The following YARS1 variants were observed in gnomAD, a reference collection of about 807,000 sequenced individuals.
YARS1 encodes tyrosyl-tRNA synthetase 1.
A neutral mutation model predicts 62.2 loss-of-function variants in YARS1; 36 were observed. That is an observed-to-expected ratio of 0.58 (90% confidence interval 0.44 to 0.76). YARS1 has a LOEUF of 0.76. Ranked by LOEUF, YARS1 falls within the 30% of genes least tolerant of loss-of-function variation. The probability of loss-of-function intolerance (pLI) is 0.00; values close to 1 mark genes in which losing one functional copy is unlikely to be tolerated. For missense variants in YARS1, 524 were observed against 639.8 expected (o/e 0.82, Z 1.95); for synonymous variants, 234 against 244.9 (o/e 0.96, Z 0.42).
In YARS1 at chr1:32,779,497, G is replaced by A. The variant is rs1569705205; in HGVS notation, c.1361C>T (p.Pro454Leu). Residue 454 changes from proline (P) to leucine (L), a missense_variant, in exon 12 of 13, where the codon CCT becomes CTT. Transcript: ENST00000373477. The part of the protein sequence containing the change: ...SIEGINRQVE[P>L]LDPPAGSAPG... ...AGCAGAGCCTGCCGGAGGGTCCAGA[G>A]GTTCAACCTGGCGGTTTATCCCTTC... 3 of 1,614,226 alleles carry A rather than the reference G, an allele frequency of 1.9e-6. No individual in the cohort carries two copies. The highest frequency in any genetic ancestry group is 2.5e-6 in the Non-Finnish European group (3 of 1,180,050).
chr1:32,782,225 G>A, intron 9 of YARS1, 179 bp downstream of exon 9: 2 of 1,003,008 alleles, frequency 2.0e-6, no homozygotes, highest in Non-Finnish European at 1.5e-6. Flanking sequence ...ACTTCCTGAT[G>A]TTAACCAAAC....
intron 8 of YARS1, among the ~76,000 whole-genome samples, chr1:32,785,497 A>G (rs985425303): frequency 6.6e-6 from 1 of 151,710 alleles, no homozygotes; most frequent in African/African-American, 2.4e-5. Context: ...AGAGCCCTGT[A>G]GCATATAACT....
rs1653235390 is a variant in YARS1, at chr1:32,786,517, T to C, written c.821-70A>G. The stretch of plus-strand genomic sequence containing the variant: ...CCTAGCTCACATGCATGACTATTCC[T>C]AGCCCACATGCATGACTATTTGTAG... On this transcript the variant is annotated intron_variant, in intron 7 of 12. Coordinates refer to ENST00000373477, the MANE Select transcript of YARS1 (RefSeq NM_003680.4). 8 of 932,448 alleles carry C rather than the reference T, an allele frequency of 8.6e-6. No homozygotes were observed. In the East Asian group the frequency reaches 2.7e-4, roughly 32 times the overall value. 57.8% of individuals were successfully genotyped at this position (932,448 alleles called of 1,614,324 possible).
At chr1:32,810,022 C>G (rs1638548614) in intron 3 of YARS1, among the ~76,000 whole-genome samples, 1 of 151,012 alleles carries the variant, frequency 6.6e-6, no homozygotes, top group Admixed American at 6.7e-5. Flanking sequence ...AGGAGAATCT[C>G]TTGAACCCAG....
rs116069227 is a variant in YARS1 at position 32,796,526 on chromosome 1, C to T, written c.591+1237G>A. 2.8e-3 allele frequency among the ~76,000 whole-genome samples: 431 copies of T among 151,632 alleles called. 1 individual carries two copies. Among genetic ancestry groups the T allele is most frequent in the Non-Finnish European group, 4.9e-3 (332 of 67,864 alleles). On this transcript the variant is annotated intron_variant, in intron 5 of 12. Transcript: ENST00000373477. ...GCTGGGACTACAGAGGCGTGCCTGG[C>T]TAATTTTTTATTTTATTGTGGAGAC...
At chr1:32,817,160 C>G in intron 1 of YARS1, 28 bp downstream of exon 1, 3 of 1,613,844 alleles carry the variant, frequency 1.9e-6, no homozygotes, top group South Asian at 2.2e-5. Flanking sequence ...TAATCCCCAA[C>G]GGCGCATTTC....
At chr1:32,806,115 T>C (rs1394197168) in intron 4 of YARS1, among the ~76,000 whole-genome samples, 2 of 152,102 alleles carry the variant, frequency 1.3e-5, no homozygotes, top group Non-Finnish European at 2.9e-5. Context: ...GATGGTAGAG[T>C]AGTCAGAACA....
At position 32,817,292 on chromosome 1, in the gene YARS1, T is replaced by G; in HGVS notation, c.-48A>C. 8 of 1,610,106 alleles carry G rather than the reference T, an allele frequency of 5.0e-6. No homozygotes were observed. The highest frequency in any genetic ancestry group is 6.8e-6 in the Non-Finnish European group (8 of 1,177,816). On this transcript the variant is annotated 5_prime_UTR_variant, in exon 1 of 13. Coordinates refer to ENST00000373477, the MANE Select transcript of YARS1 (RefSeq NM_003680.4). ...CCGCTCAGCCCGGCACCAGAGCCCC[T>G]TCCTGGGTCACCGTCGCCGCCGCGT... is the stretch of plus-strand genomic sequence containing the variant.
At chr1:32,804,389 C>G (rs1484215613) in intron 4 of YARS1, among the ~76,000 whole-genome samples, 2 of 150,600 alleles carry the variant, frequency 1.3e-5, no homozygotes, top group South Asian at 4.2e-4. Flanking sequence ...CACCTCCCTC[C>G]TGGACAGGGC....
chr1:32,786,390 A>G lies in YARS1; in HGVS notation c.878T>C (p.Val293Ala), dbSNP rs1161015457. Residue 293 changes from valine (V) to alanine (A), a missense_variant, in exon 8 of 13, where the codon GTG (valine) becomes GCG (alanine). By Grantham distance (64) the Val-to-Ala change is moderately conservative. Transcript: ENST00000373477. ...WGGNKTYTAY[V>A]DLEKDFAAEV... ...AGCAGCAAAGTCCTTTTCCAGGTCC[A>G]CGTAAGCTGTGTAGGTTTTGTTTCC... 6.2e-7 allele frequency: 1 copy of G among 1,613,984 alleles called. No individual in the cohort carries two copies. The highest frequency in any genetic ancestry group is 1.3e-5 in the African/African-American group (1 of 74,918).
intron 4 of YARS1, among the ~76,000 whole-genome samples, chr1:32,805,390 C>G (rs1363408952): frequency 6.6e-6 from 1 of 152,078 alleles, no homozygotes; most frequent in East Asian, 1.9e-4. Flanking sequence ...GAAGACAGGG[C>G]CTTTCTCTAG....
rs532308752 is a variant in YARS1, at chr1:32,778,699, G to A, written c.1476+683C>T. ...TGGAATTACAGGCGTGAGCCACCACGCCCGGCCAATCCTGGCCTCATCATT... is the reference window on the plus strand; with the variant it reads ...TGGAATTACAGGCGTGAGCCACCACACCCGGCCAATCCTGGCCTCATCATT... On this transcript the variant is annotated intron_variant, in intron 12 of 12. Transcript: ENST00000373477. Among the ~76,000 whole-genome samples, 41 of 147,938 alleles carry A rather than the reference G, an allele frequency of 2.8e-4. No individual in the cohort carries two copies. In the East Asian group the frequency reaches 7.6e-3, roughly 28 times the overall value.
Position 32,780,050 on chromosome 1 carries a change from C to T in YARS1, c.1334+35G>A, listed in dbSNP as rs1163552139. 1.9e-6 allele frequency: 3 copies of T among 1,613,314 alleles called. No homozygotes were observed. In the African/African-American group the frequency reaches 4.0e-5, roughly 22 times the overall value. Reference sequence around the variant, plus strand: ...TGATTCCCTACTCTTCCTGGCCTCCCCAGGTCCTGTGCCCCACTCCAAGTC... The same window carrying T: ...TGATTCCCTACTCTTCCTGGCCTCCTCAGGTCCTGTGCCCCACTCCAAGTC... On this transcript the variant is annotated intron_variant, in intron 11 of 12. Coordinates refer to ENST00000373477, the MANE Select transcript of YARS1 (RefSeq NM_003680.4).
rs1305579808 is a variant in YARS1, at chr1:32,810,737, T to C, written c.234A>G (p.Ala78=). ...EVTILFADLH[A]YLDNMKAPWE... is the part of the protein sequence containing the mutation. Reference sequence around the variant, plus strand: ...ATGGGGCTTTCATGTTATCCAGGTATGCGTGGAGGTCCGCAAACAGAATTG... The same window carrying C: ...ATGGGGCTTTCATGTTATCCAGGTACGCGTGGAGGTCCGCAAACAGAATTG... The change falls in exon 3 of 13, where the codon GCA becomes GCG. Residue 78 remains alanine (A), a synonymous_variant. Coordinates refer to ENST00000373477, the MANE Select transcript of YARS1 (RefSeq NM_003680.4). 6.2e-7 allele frequency: 1 copy of C among 1,614,180 alleles called. No homozygotes were observed. Among genetic ancestry groups the C allele is most frequent in the Non-Finnish European group, 8.5e-7 (1 of 1,180,026 alleles).
chr1:32,813,313 G>A (rs2148617815), intron 1 of YARS1, among the ~76,000 whole-genome samples: 1 of 152,236 alleles, frequency 6.6e-6, no homozygotes, highest in African/African-American at 2.4e-5. Flanking sequence ...ATTGAGACTT[G>A]TCTCAGATAC....
At chr1:32,779,244 T>G in intron 12 of YARS1, 138 bp downstream of exon 12, 1 of 1,426,868 alleles carries the variant, frequency 7.0e-7, no homozygotes, top group Non-Finnish European at 9.8e-7. Flanking sequence ...CAAAAAGGTC[T>G]GGAAAGAAGG....
At position 32,781,153 on chromosome 1, in the gene YARS1, T is replaced by C. The variant is rs1653042379; in HGVS notation, c.1043-8A>G. ...GGCCTTTGGCCATTGGCTCTGGGAA[T>C]GAGAAGAACCCCATGAGGTAGAATT... On this transcript the variant is annotated splice_region_variant and splice_polypyrimidine_tract_variant and intron_variant, in intron 9 of 12. Transcript: ENST00000373477. The C allele has an allele frequency of 6.2e-7, 1 of 1,611,822 alleles. No homozygotes were observed. Among genetic ancestry groups the C allele is most frequent in the African/African-American group, 1.3e-5 (1 of 74,908 alleles).
chr1:32,791,286 T>C (rs555935461), intron 5 of YARS1, 32 bp from the exon 6 acceptor site: 2 of 1,575,248 alleles, frequency 1.3e-6, no homozygotes, highest in Non-Finnish European at 1.7e-6. Flanking sequence ...CAAAAGCCGA[T>C]ATTAGTCTAA....
intron 6 of YARS1, among the ~76,000 whole-genome samples, chr1:32,789,411 C>T (rs968900220): frequency 1.1e-4 from 17 of 152,192 alleles, no homozygotes; most frequent in African/African-American, 3.9e-4. Flanking sequence ...ATATTATCTA[C>T]AGCCATTTTT....
Sources: allele counts gnomAD v4.1 joint callset (sites outside exome capture counted in the v4.1 genomes callset), GRCh38; gene constraint gnomAD v4.1.1; transcripts MANE v1.5; gene names NCBI Gene and HGNC (gene_info 2026-07-23, HGNC 2026-07-21).